BBOF1: variants seen among roughly 807,000 people sequenced by gnomAD.
BBOF1 encodes the protein basal body-orientation factor 1.
A neutral mutation model predicts 68.0 loss-of-function variants in BBOF1; 62 were observed. That is an observed-to-expected ratio of 0.91 (90% confidence interval 0.74 to 1.13). The LOEUF is 1.13. Among genes scored for constraint, BBOF1 ranks in the 50% most tolerant of loss-of-function variants. The pLI is 0.00. For missense variants in BBOF1, 534 were observed against 600.1 expected (o/e 0.89, Z 1.15); for synonymous variants, 208 against 198.8 (o/e 1.05, Z -0.39).
intron 10 of BBOF1, among the ~76,000 whole-genome samples, chr14:74,080,763 C>T (rs1047685647): frequency 6.6e-6 from 1 of 152,190 alleles, no homozygotes; most frequent in African/African-American, 2.4e-5. Context: ...CTTTCTGAAT[C>T]TAGTTTCCAT....
intron 10 of BBOF1, 25 bp from the exon 11 acceptor site, chr14:74,057,119 T>C (rs1376508798): frequency 6.2e-7 from 1 of 1,605,340 alleles, no homozygotes; most frequent in Admixed American, 1.7e-5. Flanking sequence ...TTGTTGACGG[T>C]TCTGTTATTT....
intron 2 of BBOF1, among the ~76,000 whole-genome samples, chr14:74,028,707 C>T (rs915572173): frequency 2.6e-5 from 4 of 151,148 alleles, no homozygotes; most frequent in Non-Finnish European, 5.9e-5. Context: ...AAGACTCCAT[C>T]TCTATTTTTT....
At position 74,034,101 on chromosome 14, in the gene BBOF1, T is replaced by A; in HGVS notation, c.425T>A (p.Ile142Asn). ...CAAAAAGCCAAAGAAATTGGCATGATTCACACAGAGCTGAAAGCAGTAAGA... is the reference window on the plus strand; with the variant it reads ...CAAAAAGCCAAAGAAATTGGCATGAATCACACAGAGCTGAAAGCAGTAAGA... ...FHQKAKEIGMIHTELKAVRQF... is the reference protein window; with the variant it reads ...FHQKAKEIGMNHTELKAVRQF... The change falls in exon 4 of 12, where the codon ATT becomes AAT. Residue 142 changes from isoleucine (I) to asparagine (N), a missense_variant. Coordinates refer to ENST00000394009, the MANE Select transcript of BBOF1 (RefSeq NM_025057.3). The A allele has an allele frequency of 1.9e-6, 3 of 1,605,900 alleles. No homozygotes were observed. The South Asian group carries it at 3.3e-5, about 18-fold the overall frequency.
At chr14:74,071,962 T>C (rs751241296) in intron 9 of BBOF1, 5 of 1,614,058 alleles carry the variant, frequency 3.1e-6, no homozygotes, top group Non-Finnish European at 4.2e-6. Context: ...GTGATTAACT[T>C]GGCAATTTCT....
rs552037820 is a variant in BBOF1 at position 74,019,462 on chromosome 14, C to G, written c.-17C>G. 1.3e-6 allele frequency: 2 copies of G among 1,599,380 alleles called. No individual in the cohort carries two copies. The highest frequency in any genetic ancestry group is 2.3e-5 in the East Asian group (1 of 44,082). On this transcript the variant is annotated 5_prime_UTR_variant, in exon 1 of 12. Coordinates refer to ENST00000394009, the MANE Select transcript of BBOF1 (RefSeq NM_025057.3). ...CGGCTGGGCAACTACGACAGCGGAGCCCCTGGGGAAGCCAAGATGCCGTCG... is the reference window on the plus strand; with the variant it reads ...CGGCTGGGCAACTACGACAGCGGAGGCCCTGGGGAAGCCAAGATGCCGTCG...
At chr14:74,073,903 G>C (rs2060581192) in intron 9 of BBOF1, among the ~76,000 whole-genome samples, 1 of 133,090 alleles carries the variant, frequency 7.5e-6, no homozygotes, top group Non-Finnish European at 1.6e-5. Flanking sequence ...GGGTGACAGA[G>C]TAAGACTCCA....
chr14:74,082,404 T>G (rs939867290), intron 12 of BBOF1, among the ~76,000 whole-genome samples: 2 of 139,410 alleles, frequency 1.4e-5, no homozygotes, highest in South Asian at 2.5e-4. Flanking sequence ...TTTTTTTTTT[T>G]TTTTTTTTTT....
intron 3 of BBOF1, among the ~76,000 whole-genome samples, chr14:74,033,301 C>G (rs2059618600): frequency 6.6e-6 from 1 of 152,188 alleles, no homozygotes; most frequent in Non-Finnish European, 1.5e-5. Context: ...GGCGCGGTGG[C>G]TCATGCCTGT....
intron 1 of BBOF1, among the ~76,000 whole-genome samples, chr14:74,022,147 G>A (rs1331773339): frequency 6.6e-6 from 1 of 152,078 alleles, no homozygotes; most frequent in Non-Finnish European, 1.5e-5. Context: ...GCCAAGGTGG[G>A]AGGATACTTG....
At chr14:74,067,681 G>A, downstream of BBOF1, 1 of 1,130,108 alleles carries the variant, frequency 8.8e-7, no homozygotes, top group East Asian at 2.4e-5. Context: ...CCAGCACTTT[G>A]GAAGGCTGAG....
At chr14:74,059,978 G>C (rs2060303634) in intron 11 of BBOF1, 1 of 154,440 alleles carries the variant, frequency 6.5e-6, no homozygotes, top group Non-Finnish European at 1.4e-5. Context: ...ATTATATCTT[G>C]TGTATTGTGG....
chr14:74,060,518 G>T lies in BBOF1; in HGVS notation c.1578+3260G>T. The T allele has an allele frequency of 5.1e-6, 4 of 790,470 alleles. No individual in the cohort carries two copies. The South Asian group carries it at 5.7e-5, about 11-fold the overall frequency. The allele number at this position is 790,470 out of a possible 1,614,324, so 49.0% of individuals were successfully genotyped here. A position where few individuals can be genotyped will look rare whatever the true frequency, so the allele number is the denominator to read the frequency against. ...ACTTTGCGGGGGTTAATAGTCCTGA[G>T]GAAGATTTTAGTTACAATGTATTCC... is the stretch of plus-strand genomic sequence containing the variant. On this transcript the variant is annotated intron_variant, in intron 11 of 11. Coordinates refer to ENST00000394009, the MANE Select transcript of BBOF1 (RefSeq NM_025057.3).
At position 74,065,274 on chromosome 14, in the gene BBOF1, A is replaced by C; in HGVS notation, c.*575A>C. The C allele has an allele frequency of 6.2e-7, 1 of 1,614,172 alleles. No homozygotes were observed. Among genetic ancestry groups the C allele is most frequent in the East Asian group, 2.2e-5 (1 of 44,878 alleles). ...CATTTCCATATGGGTTGTTATTTAC[A>C]ATCTGGATGGCTTCATCCAATGTTT... On this transcript the variant is annotated 3_prime_UTR_variant, in exon 12 of 12. Transcript: ENST00000394009.
intron 2 of BBOF1, among the ~76,000 whole-genome samples, chr14:74,023,903 G>A (rs1334341420): frequency 2.2e-5 from 3 of 137,418 alleles, no homozygotes; most frequent in African/African-American, 5.5e-5. Context: ...CAGCCTGGGC[G>A]ACAGAGCGAG....
chr14:74,064,755 CT>C lies in BBOF1; in HGVS notation c.*58del. On this transcript the variant is annotated 3_prime_UTR_variant, in exon 12 of 12. Transcript: ENST00000394009. ...CTGGCAGTCCCTTCCTTGCAGAATC[CT>C]TGCTCCTGAATATCTTTAAGAAAAT... 1 of 1,611,514 alleles carries C rather than the reference CT, an allele frequency of 6.2e-7. No homozygotes were observed. The highest frequency in any genetic ancestry group is 1.3e-5 in the African/African-American group (1 of 74,964).
intron 11 of BBOF1, chr14:74,057,678 T>C (rs762407642): frequency 9.0e-5 from 116 of 1,294,238 alleles, no homozygotes; most frequent in Non-Finnish European, 1.2e-4. Flanking sequence ...TCTTTAAGAG[T>C]TTTTAATTTA....
chr14:74,075,195 A>G (rs8017319), intron 9 of BBOF1, among the ~76,000 whole-genome samples: 4,932 of 152,312 alleles, frequency 0.032, 121 homozygotes, highest in Middle Eastern at 0.095. Flanking sequence ...ATGAACAAAC[A>G]ATAAACCATA....
chr14:74,082,343 C>T (rs4903179), intron 12 of BBOF1, among the ~76,000 whole-genome samples: 36,141 of 148,454 alleles, frequency 0.24, 4,930 homozygotes, highest in South Asian at 0.46. Context: ...ACTTTCTCCT[C>T]TATAAATCCT....
At chr14:74,022,405 G>A (rs550303939) in intron 1 of BBOF1, among the ~76,000 whole-genome samples, 1 of 152,218 alleles carries the variant, frequency 6.6e-6, no homozygotes, top group African/African-American at 2.4e-5. Context: ...AAAATTAGCT[G>A]GGCATAGTTG....
Sources: gnomAD v4.1 joint callset for allele counts (sites outside exome capture counted in the v4.1 genomes callset) on GRCh38, gnomAD v4.1.1 for gene constraint, MANE v1.5 for transcripts, NCBI Gene and HGNC (gene_info 2026-07-23, HGNC 2026-07-21) for gene names.